The following DHRSX variants were observed in gnomAD, a reference collection of about 807,000 sequenced individuals.
DHRSX encodes polyprenol dehydrogenase.
Under a neutral mutation model 34.0 loss-of-function variants are expected in DHRSX, and 31 were observed. That is an observed-to-expected ratio of 0.91 (90% CI 0.69 to 1.23). DHRSX has a LOEUF of 1.23. Ranked by LOEUF, DHRSX falls within the 50% of genes most tolerant of loss-of-function variation. DHRSX has a pLI of 0.00. For synonymous variants in DHRSX, 201 were observed against 183.8 expected, an observed-to-expected ratio of 1.09 and a Z score of -0.76; for missense variants, 414 against 428.1, an observed-to-expected ratio of 0.97 and a Z score of 0.29.
At chrX:2,247,902 G>A (rs2016336423) in intron 5 of DHRSX, among the ~76,000 whole-genome samples, 1 of 151,974 alleles carries the variant, frequency 6.6e-6, no homozygotes, top group African/African-American at 2.4e-5. Flanking sequence ...TCCCCAAGGT[G>A]GGTCCCGAAA....
At chrX:2,331,437 T>TTTTTTTG (rs2042472995) in intron 3 of DHRSX, among the ~76,000 whole-genome samples, 2 of 33,618 alleles carry the variant, frequency 5.9e-5, no homozygotes, top group Non-Finnish European at 1.3e-4. Flanking sequence ...GGTTTTTTGG[T>TTTTTTTG]TTTTTTTTTT....
chrX:2,464,350 C>T (rs1297692608), intron 1 of DHRSX, among the ~76,000 whole-genome samples: 3 of 79,758 alleles, frequency 3.8e-5, no homozygotes, highest in Non-Finnish European at 8.5e-5. Flanking sequence ...GGCCAAGGGC[C>T]GCTGATGTGC....
intron 1 of DHRSX, 145 bp from the exon 2 acceptor site, chrX:2,425,449 G>C: frequency 1.4e-6 from 1 of 719,964 alleles, no homozygotes; most frequent in Non-Finnish European, 2.4e-6. Flanking sequence ...ATTCCCACAG[G>C]CTCAGGAGGC....
chrX:2,485,707 G>C (rs766284969), intron 1 of DHRSX, among the ~76,000 whole-genome samples: 2 of 85,260 alleles, frequency 2.3e-5, no homozygotes, highest in East Asian at 3.9e-4. Flanking sequence ...GGAGGGGAGG[G>C]AGGGAACGGA....
chrX:2,240,011 A>T (rs1470103883), intron 6 of DHRSX, among the ~76,000 whole-genome samples: 3 of 150,838 alleles, frequency 2.0e-5, no homozygotes, highest in African/African-American at 7.3e-5. Flanking sequence ...AGGGATGTAC[A>T]GCTGGGCGCG....
chrX:2,456,192 G>A (rs1436003799), intron 1 of DHRSX, among the ~76,000 whole-genome samples: 6 of 152,106 alleles, frequency 3.9e-5, no homozygotes, highest in Non-Finnish European at 5.9e-5. Context: ...TGTGCGGGAC[G>A]CCAAAAACCA....
At chrX:2,335,189 A>G (rs1228302897) in intron 3 of DHRSX, among the ~76,000 whole-genome samples, 1 of 151,514 alleles carries the variant, frequency 6.6e-6, no homozygotes, top group African/African-American at 2.4e-5. Context: ...CATCTCAAAA[A>G]AAAAAAAAAA....
intron 3 of DHRSX, among the ~76,000 whole-genome samples, chrX:2,349,246 C>G (rs2042756760): frequency 6.6e-6 from 1 of 152,016 alleles, no homozygotes; most frequent in Non-Finnish European, 1.5e-5. Context: ...TGGAATGAAC[C>G]CAAGCGTTCA....
At chrX:2,453,363 A>G (rs1317270692) in intron 1 of DHRSX, among the ~76,000 whole-genome samples, 1 of 149,956 alleles carries the variant, frequency 6.7e-6, no homozygotes, top group East Asian at 2.0e-4. Flanking sequence ...ATGAAACCCC[A>G]TCTCTAAAAA....
chrX:2,489,620 T>C, intron 1 of DHRSX: 1 of 1,612,672 alleles, frequency 6.2e-7, no homozygotes, highest in Non-Finnish European at 8.5e-7. Context: ...GACGAACTGC[T>C]GCTCCTTGAG....
intron 3 of DHRSX, among the ~76,000 whole-genome samples, chrX:2,328,169 C>T (rs1423817264): frequency 6.6e-6 from 1 of 151,812 alleles, no homozygotes; most frequent in Non-Finnish European, 1.5e-5. Flanking sequence ...TACAAGCCTA[C>T]AAGAGAGGCC....
intron 3 of DHRSX, among the ~76,000 whole-genome samples, chrX:2,328,958 T>C (rs2042423398): frequency 1.3e-5 from 2 of 152,196 alleles, no homozygotes; most frequent in South Asian, 4.1e-4. Context: ...TGGGAATCTT[T>C]GCACAGAGGA....
intron 5 of DHRSX, among the ~76,000 whole-genome samples, chrX:2,264,796 C>T (rs1482483705): frequency 7.2e-5 from 11 of 151,810 alleles, no homozygotes; most frequent in Admixed American, 7.2e-4. Flanking sequence ...ACAGGGAGCA[C>T]CGTGCCCAGA....
At chrX:2,364,840 T>C (rs1379251985) in intron 3 of DHRSX, among the ~76,000 whole-genome samples, 1 of 152,240 alleles carries the variant, frequency 6.6e-6, no homozygotes, top group East Asian at 1.9e-4. Context: ...TATCTACCTG[T>C]CATCTATTAC....
chrX:2,276,657 G>C (rs1057396891), intron 4 of DHRSX, among the ~76,000 whole-genome samples: 1 of 151,926 alleles, frequency 6.6e-6, no homozygotes, highest in African/African-American at 2.4e-5. Context: ...TCCTGAACGG[G>C]AGGAGAAGGG....
At position 2,363,560 on chromosome X, in the gene DHRSX, G is replaced by A. The variant is rs775073428; in HGVS notation, c.286+45185C>T. On this transcript the variant is annotated intron_variant, in intron 3 of 6. Transcript: ENST00000334651. ...GATATCATGCCGCCATTTTATCACTGTTCTATGGTATCATGCTGCCATTTC... is the reference window on the plus strand; with the variant it reads ...GATATCATGCCGCCATTTTATCACTATTCTATGGTATCATGCTGCCATTTC... Among the ~76,000 whole-genome samples, 332 of 145,848 alleles carry A rather than the reference G, an allele frequency of 2.3e-3. 26 individuals carry two copies. Among genetic ancestry groups the A allele is most frequent in the African/African-American group, 8.3e-3 (319 of 38,320 alleles).
chrX:2,360,325 C>T (rs1006702963), intron 3 of DHRSX, among the ~76,000 whole-genome samples: 3 of 152,206 alleles, frequency 2.0e-5, no homozygotes, highest in African/African-American at 7.2e-5. Flanking sequence ...TGGCTCACGC[C>T]TGTAATCCCA....
intron 6 of DHRSX, among the ~76,000 whole-genome samples, chrX:2,240,718 C>T (rs1280715559): frequency 1.3e-5 from 2 of 152,040 alleles, no homozygotes; most frequent in Non-Finnish European, 2.9e-5. Context: ...AAAGCAGACA[C>T]TTTTAAAAAT....
At chrX:2,266,311 C>T (rs1281222298) in intron 5 of DHRSX, among the ~76,000 whole-genome samples, 1 of 141,948 alleles carries the variant, frequency 7.0e-6, no homozygotes, top group Non-Finnish European at 1.5e-5. Context: ...GTCCCCAGAG[C>T]ACCAATGCTC....
Sources: allele counts gnomAD v4.1 joint callset (sites outside exome capture counted in the v4.1 genomes callset), GRCh38; gene constraint gnomAD v4.1.1; transcripts MANE v1.5; gene names NCBI Gene and HGNC (gene_info 2026-07-23, HGNC 2026-07-21).